USP24: variants seen among roughly 807,000 people sequenced by gnomAD.
USP24 encodes the protein ubiquitin carboxyl-terminal hydrolase 24.
USP24 carries 97 observed loss-of-function variants against 361.6 expected under a neutral mutation model. That is an observed-to-expected ratio of 0.27 (90% CI 0.23 to 0.32). The LOEUF is 0.32. Ranked by LOEUF, USP24 falls within the 10% of genes least tolerant of loss-of-function variation. The pLI is 1.00. For missense variants in USP24, 2,353 were observed against 3,165.6 expected (o/e 0.74, Z 6.16); for synonymous variants, 1,098 against 1,124.6 (o/e 0.98, Z 0.47).
chr1:55,196,582 T>G (rs1644425477), intron 1 of USP24, among the ~76,000 whole-genome samples: 1 of 152,186 alleles, frequency 6.6e-6, no homozygotes, highest in Non-Finnish European at 1.5e-5. Flanking sequence ...ATCTCTAAGT[T>G]GAAGAGTCAC....
At chr1:55,120,475 CAGA>C (rs1490221595) in intron 38 of USP24, 118 bp downstream of exon 38, 2 of 1,229,986 alleles carry the variant, frequency 1.6e-6, no homozygotes, top group East Asian at 2.7e-5. Flanking sequence ...ACCCAAATTT[CAGA>C]AGAAGAAAGA....
At position 55,147,674 on chromosome 1, in the gene USP24, A is replaced by G. The variant is rs1378991111; in HGVS notation, c.2093T>C (p.Val698Ala). 6.2e-7 allele frequency: 1 copy of G among 1,610,268 alleles called. No individual in the cohort carries two copies. The highest frequency in any genetic ancestry group is 1.3e-5 in the African/African-American group (1 of 74,822). Residue 698 changes from valine (V) to alanine (A), a missense_variant, in exon 18 of 68, where the codon GTG becomes GCG. This residue lies in a region of USP24 where 949 missense variants were observed against 1,280.5 expected (regional missense o/e 0.74). Coordinates refer to ENST00000294383, the MANE Select transcript of USP24 (RefSeq NM_015306.3). ...CTCCCGGTAAGTGTACCGGCCATCCACTAGTGTCGAGCCACTTAAGCCTCC... is the reference window on the plus strand; with the variant it reads ...CTCCCGGTAAGTGTACCGGCCATCCGCTAGTGTCGAGCCACTTAAGCCTCC... ...GPGGLSGSTL[V>A]DGRYTYREYL...
chr1:55,167,082 A>C (rs998688091), intron 5 of USP24, among the ~76,000 whole-genome samples: 4 of 152,146 alleles, frequency 2.6e-5, no homozygotes, highest in African/African-American at 9.7e-5. Context: ...CTAGATACAG[A>C]ACAGTGACTA....
In USP24 at chr1:55,092,948, A is replaced by T; in HGVS notation, c.6355-32T>A. Reference sequence around the variant, plus strand: ...AAGAAGATTAATAATTATTTTTATGAAATGGAAAAATATTCAATATGTGAA... The same window carrying T: ...AAGAAGATTAATAATTATTTTTATGTAATGGAAAAATATTCAATATGTGAA... On this transcript the variant is annotated intron_variant, in intron 52 of 67. Transcript: ENST00000294383. 2.2e-6 allele frequency: 3 copies of T among 1,370,752 alleles called. 1 individual carries two copies. Among genetic ancestry groups the T allele is most frequent in the Non-Finnish European group, 3.0e-6 (3 of 1,015,214 alleles). 84.9% of individuals were successfully genotyped at this position (1,370,752 alleles called of 1,614,324 possible).
At chr1:55,150,789 T>C (rs543271596) in intron 16 of USP24, among the ~76,000 whole-genome samples, 1 of 152,320 alleles carries the variant, frequency 6.6e-6, no homozygotes, top group South Asian at 2.1e-4. Flanking sequence ...GTTTATTTCA[T>C]CTTATCTATG....
rs544373761 is a variant in USP24, at chr1:55,123,046, C to T, written c.4276+401G>A. ...TTAGAGAATGATTAGTAATGGTCCCCGTTCACCAAAGCCAACAATAAAGAT... is the reference window on the plus strand; with the variant it reads ...TTAGAGAATGATTAGTAATGGTCCCTGTTCACCAAAGCCAACAATAAAGAT... On this transcript the variant is annotated intron_variant, in intron 36 of 67. Transcript: ENST00000294383. 7.2e-5 allele frequency among the ~76,000 whole-genome samples: 11 copies of T among 152,240 alleles called. 1 individual carries two copies. In the South Asian group the frequency reaches 1.5e-3, roughly 20 times the overall value.
At position 55,066,712 on chromosome 1, in the gene USP24, C is replaced by G. The variant is rs1379849892; in HGVS notation, c.*2333G>C. 6.6e-6 allele frequency: 1 copy of G among 152,150 alleles called. No individual in the cohort carries two copies. The highest frequency in any genetic ancestry group is 1.5e-5 in the Non-Finnish European group (1 of 68,026). 9.4% of individuals were successfully genotyped at this position (152,150 alleles called of 1,614,324 possible). A position where few individuals can be genotyped will look rare whatever the true frequency, so the allele number is the denominator to read the frequency against. On this transcript the variant is annotated 3_prime_UTR_variant, in exon 68 of 68. Transcript: ENST00000294383. Reference sequence around the variant, plus strand: ...GATGCTTGTTTTCTTTCCCAGGATGCCTTCAACGGGCAGAATCGGCCATCT... The same window carrying G: ...GATGCTTGTTTTCTTTCCCAGGATGGCTTCAACGGGCAGAATCGGCCATCT...
chr1:55,081,351 T>C lies in USP24; in HGVS notation c.7049A>G (p.His2350Arg), dbSNP rs201970458. The C allele has an allele frequency of 1.2e-6, 2 of 1,613,738 alleles. No individual in the cohort carries two copies. The highest frequency in any genetic ancestry group is 1.7e-6 in the Non-Finnish European group (2 of 1,179,688). ...LHNTVALLVL[H>R]SDVSSQRNVA... ...ATTCCTTTGGGATGAGACATCTGAA[T>C]GCAAAACAAGTAACGCCACTGTATT... Residue 2350 changes from histidine (H) to arginine (R), a missense_variant, in exon 59 of 68, where the codon CAT (histidine) becomes CGT (arginine). Around this residue, in one of 8 missense-constraint regions of USP24, gnomAD observed 598 missense variants for 761.9 expected, o/e 0.78. Transcript: ENST00000294383.
intron 65 of USP24, 111 bp downstream of exon 65, chr1:55,072,675 C>A: frequency 8.9e-7 from 1 of 1,117,362 alleles, no homozygotes. Flanking sequence ...TGTTTGAAAT[C>A]TGAAAACACT....
Position 55,154,736 on chromosome 1 carries a change from T to C in USP24, c.1489A>G (p.Ile497Val). 6.2e-7 allele frequency: 1 copy of C among 1,613,334 alleles called. No homozygotes were observed. The highest frequency in any genetic ancestry group is 1.1e-5 in the South Asian group (1 of 91,054). ...STVIENIHTI[I>V]AAAAVKFNSD... ...TTAAATTTCACAGCCGCTGCAGCAA[T>C]AATAGTATGAATGTTCTCAATCACA... is the stretch of plus-strand genomic sequence containing the variant. Residue 497 changes from isoleucine (I) to valine (V), a missense_variant, in exon 13 of 68, where the codon ATT becomes GTT. Around this residue, in one of 8 missense-constraint regions of USP24, gnomAD observed 386 missense variants for 560.5 expected, o/e 0.69. Coordinates refer to ENST00000294383, the MANE Select transcript of USP24 (RefSeq NM_015306.3).
intron 38 of USP24, among the ~76,000 whole-genome samples, chr1:55,116,042 T>C (rs571211721): frequency 3.5e-4 from 53 of 152,126 alleles, no homozygotes; most frequent in Admixed American, 2.4e-3. Context: ...AGGGGAGGGA[T>C]AGCATTAAGA....
intron 50 of USP24, 28 bp from the exon 51 acceptor site, chr1:55,095,424 T>C (rs1241074979): frequency 1.3e-6 from 2 of 1,564,980 alleles, no homozygotes; most frequent in Non-Finnish European, 1.7e-6. Flanking sequence ...AAGAAACACA[T>C]CTGTAAATAA....
intron 1 of USP24, among the ~76,000 whole-genome samples, chr1:55,206,432 G>A (rs926812708): frequency 3.3e-5 from 5 of 152,100 alleles, no homozygotes; most frequent in African/African-American, 1.2e-4. Context: ...CAGGGAGTAG[G>A]AATAAGAATG....
intron 43 of USP24, 70 bp downstream of exon 43, chr1:55,101,514 A>G: frequency 2.6e-6 from 4 of 1,541,488 alleles, no homozygotes; most frequent in Non-Finnish European, 3.5e-6. Context: ...GCAATAAAAA[A>G]CTATGAAACA....
chr1:55,123,598 G>C lies in USP24; in HGVS notation c.4125C>G (p.Ser1375Arg). ...CTCCTTCACTTCCAGAGCTGCAATT[G>C]CTTCCTGAAAACAGGTAAGCAGAAA... is the stretch of plus-strand genomic sequence containing the variant. ...GIRNRLSSSG[S>R]NCSSGSEGEP... The change falls in exon 36 of 68, where the codon AGC becomes AGG. Residue 1375 changes from serine to arginine, a missense_variant. Around this residue, in one of 8 missense-constraint regions of USP24, gnomAD observed 949 missense variants for 1,280.5 expected, o/e 0.74. Coordinates refer to ENST00000294383, the MANE Select transcript of USP24 (RefSeq NM_015306.3). The C allele has an allele frequency of 6.3e-7, 1 of 1,590,038 alleles. No individual in the cohort carries two copies. Among genetic ancestry groups the C allele is most frequent in the Non-Finnish European group, 8.6e-7 (1 of 1,167,862 alleles).
intron 7 of USP24, among the ~76,000 whole-genome samples, chr1:55,165,593 C>G (rs1477871984): frequency 6.6e-6 from 1 of 151,918 alleles, no homozygotes; most frequent in Non-Finnish European, 1.5e-5. Flanking sequence ...TATATACTTG[C>G]CACATATAGC....
chr1:55,143,316 G>C (rs969355445), intron 21 of USP24, among the ~76,000 whole-genome samples, 197 bp from the exon 22 acceptor site: 3 of 152,168 alleles, frequency 2.0e-5, no homozygotes, highest in Admixed American at 2.0e-4. Flanking sequence ...CAGAAGCACT[G>C]GGCAAATTCC....
intron 42 of USP24, 110 bp from the exon 43 acceptor site, chr1:55,101,813 G>T: frequency 7.4e-7 from 1 of 1,348,478 alleles, no homozygotes; most frequent in Non-Finnish European, 9.7e-7. Context: ...TACCCATCCA[G>T]CATGTTATGA....
At chr1:55,184,008 C>T (rs1005835638) in intron 1 of USP24, among the ~76,000 whole-genome samples, 6 of 152,056 alleles carry the variant, frequency 3.9e-5, no homozygotes, top group Non-Finnish European at 7.4e-5. Flanking sequence ...GAAAAAAGGA[C>T]ACTGAAAAGC....
Sources: allele counts gnomAD v4.1 joint callset (sites outside exome capture counted in the v4.1 genomes callset), GRCh38; gene constraint gnomAD v4.1.1; regional missense constraint gnomAD v4.1.1; transcripts MANE v1.5; gene names NCBI Gene and HGNC (gene_info 2026-07-23, HGNC 2026-07-21).